The following MICALL1 variants were observed in gnomAD, a reference collection of about 807,000 sequenced individuals.
MICALL1 encodes the protein MICAL like 1.
A neutral mutation model predicts 83.7 loss-of-function variants in MICALL1; 61 were observed. The ratio of observed to expected loss-of-function variants is 0.73; its 90% confidence interval spans 0.59 to 0.90. The LOEUF is 0.90. MICALL1 is among the 40% of genes least tolerant of loss of function. The pLI is 0.00. For missense variants in MICALL1, 1,066 were observed against 1,152.0 expected (o/e 0.93, Z 1.08); for synonymous variants, 481 against 473.6 (o/e 1.02, Z -0.20).
At chr22:37,912,754 C>G (rs575267849) in intron 3 of MICALL1, among the ~76,000 whole-genome samples, 84 of 152,098 alleles carry the variant, frequency 5.5e-4, no homozygotes, top group African/African-American at 1.9e-3. Context: ...GCAACCTCCG[C>G]CTCCTGGGTT....
Position 37,906,674 on chromosome 22 carries a change from C to T in MICALL1, c.146+106C>T. 9.6e-7 allele frequency: 1 copy of T among 1,037,054 alleles called. No individual in the cohort carries two copies. Among genetic ancestry groups the T allele is most frequent in the Non-Finnish European group, 1.2e-6 (1 of 842,368 alleles). The allele number at this position is 1,037,054 out of a possible 1,614,324, so 64.2% of individuals were successfully genotyped here. Reference sequence around the variant, plus strand: ...CCCGGGCGGTGACAGGCGCCGCCCCCGGACACGGAGACGCCGACCCCCCCG... The same window carrying T: ...CCCGGGCGGTGACAGGCGCCGCCCCTGGACACGGAGACGCCGACCCCCCCG... On this transcript the variant is annotated intron_variant, in intron 1 of 15. Coordinates refer to ENST00000215957, the MANE Select transcript of MICALL1 (RefSeq NM_033386.4). The surrounding 1 kb of genome is among the most constrained non-coding windows in gnomAD (Gnocchi z 4.4).
At chr22:37,913,591 G>T (rs1316918628) in intron 3 of MICALL1, among the ~76,000 whole-genome samples, 2 of 152,202 alleles carry the variant, frequency 1.3e-5, no homozygotes, top group African/African-American at 2.4e-5. Flanking sequence ...AACCAGAGTT[G>T]CAGGGGCTAC....
chr22:37,936,212 G>C (rs906885571), intron 13 of MICALL1, among the ~76,000 whole-genome samples: 1 of 152,162 alleles, frequency 6.6e-6, no homozygotes, highest in Non-Finnish European at 1.5e-5. Flanking sequence ...GGCAGGAGGG[G>C]CAGCAGGTGT....
chr22:37,929,673 A>G (rs1228046812), intron 9 of MICALL1, among the ~76,000 whole-genome samples: 1 of 152,086 alleles, frequency 6.6e-6, no homozygotes, highest in Non-Finnish European at 1.5e-5. Context: ...TCTCAGCCCC[A>G]TACTGAGAAC....
rs781506551 is a variant in MICALL1, at chr22:37,917,815, G to T, written c.426+20G>T. 1.2e-6 allele frequency: 2 copies of T among 1,610,386 alleles called. No individual in the cohort carries two copies. The highest frequency in any genetic ancestry group is 1.7e-6 in the Non-Finnish European group (2 of 1,176,954). On this transcript the variant is annotated intron_variant, in intron 4 of 15. Coordinates refer to ENST00000215957, the MANE Select transcript of MICALL1 (RefSeq NM_033386.4). ...GCTCAGGTAGGCAGATACCTGGAGA[G>T]GTGGGAGGGCCAGGGGTGGAGGGGG...
At chr22:37,923,603 G>A (rs1929233524) in intron 6 of MICALL1, among the ~76,000 whole-genome samples, 1 of 152,228 alleles carries the variant, frequency 6.6e-6, no homozygotes, top group Non-Finnish European at 1.5e-5. Context: ...TCCATGCTGG[G>A]ACGGTGCAAA....
At chr22:37,913,621 T>A (rs1012601190) in intron 3 of MICALL1, among the ~76,000 whole-genome samples, 1 of 152,168 alleles carries the variant, frequency 6.6e-6, no homozygotes, top group Admixed American at 6.6e-5. Context: ...CGGTTCTGAG[T>A]GAGGTCACTG....
rs990254742 is a variant in MICALL1 at position 37,906,942 on chromosome 22, C to T, written c.146+374C>T. 2.0e-5 allele frequency: 3 copies of T among 153,252 alleles called. No homozygotes were observed. Among genetic ancestry groups the T allele is most frequent in the African/African-American group, 4.8e-5 (2 of 41,514 alleles). 9.5% of individuals were successfully genotyped at this position (153,252 alleles called of 1,614,324 possible). A position where few individuals can be genotyped will look rare whatever the true frequency, so the allele number is the denominator to read the frequency against. On this transcript the variant is annotated intron_variant, in intron 1 of 15. Transcript: ENST00000215957. This position sits in a 1 kb window ranked among gnomAD's most constrained non-coding sequence, Gnocchi z 4.4. ...GGCCCTGGGCCTCTCCTACCCTAAA[C>T]TCTTCTCCACGGGCTCGCCGGGCCT...
chr22:37,918,093 T>G (rs1928790286), intron 4 of MICALL1, among the ~76,000 whole-genome samples: 1 of 152,200 alleles, frequency 6.6e-6, no homozygotes, highest in African/African-American at 2.4e-5. Flanking sequence ...CAGTCCACAA[T>G]GCTGACTTCA....
intron 8 of MICALL1, chr22:37,926,592 C>G (rs970503451): frequency 1.9e-5 from 3 of 154,222 alleles, no homozygotes; most frequent in African/African-American, 7.2e-5. Flanking sequence ...TGCTTCCCCC[C>G]TCACCCAGGA....
chr22:37,912,964 C>CT (rs759798391), intron 3 of MICALL1, among the ~76,000 whole-genome samples: 300 of 135,360 alleles, frequency 2.2e-3, no homozygotes, highest in Non-Finnish European at 2.6e-3. Context: ...CCCAGTCCCA[C>CT]TTTTTTTTTT....
Position 37,922,375 on chromosome 22 carries a change from C to T in MICALL1, c.973C>T (p.Leu325=). ...CCCCACGCCCCGGCCCCGCTCCAGT[C>T]TGCAGCAGGAGAACCTGGTGGAGCA... ...APPTPRPRSS[L]QQENLVEQAG... is the part of the protein sequence containing the mutation. Residue 325 remains leucine (L), a synonymous_variant, in exon 6 of 16, where the codon CTG becomes TTG. Coordinates refer to ENST00000215957, the MANE Select transcript of MICALL1 (RefSeq NM_033386.4). 3 of 1,534,430 alleles carry T rather than the reference C, an allele frequency of 2.0e-6. No homozygotes were observed. Among genetic ancestry groups the T allele is most frequent in the Non-Finnish European group, 2.6e-6 (3 of 1,143,270 alleles).
rs1170243535 is a variant in MICALL1 at position 37,930,970 on chromosome 22, C to T, written c.1882-829C>T. 1.3e-5 allele frequency among the ~76,000 whole-genome samples: 2 copies of T among 152,230 alleles called. No individual in the cohort carries two copies. Among genetic ancestry groups the T allele is most frequent in the Non-Finnish European group, 2.9e-5 (2 of 68,032 alleles). On this transcript the variant is annotated intron_variant, in intron 9 of 15. Transcript: ENST00000215957. The surrounding 1 kb of genome is among the most constrained non-coding windows in gnomAD (Gnocchi z 4.8). ...GTCTTGCCTTAAACCCAATGCCATT[C>T]TGTGCTTCTAGGGAAACCCCTGCCC...
chr22:37,924,593 GCTGGCTCCCTGGGTGC>G lies in MICALL1; in HGVS notation c.1025-65_1025-50del, dbSNP rs892558506. 1.3e-6 allele frequency: 2 copies of G among 1,524,416 alleles called. No individual in the cohort carries two copies. The highest frequency in any genetic ancestry group is 1.4e-5 in the African/African-American group (1 of 72,850). The allele number at this position is 1,524,416 out of a possible 1,614,324, so 94.4% of individuals were successfully genotyped here. ...CGCTCCTGGGGAGGCAGGTGCTGTG[GCTGGCTCCCTGGGTGC>G]CCACCTCCTGCTGCCCATGAAGGCC... On this transcript the variant is annotated intron_variant, in intron 6 of 15. Transcript: ENST00000215957. This position sits in a 1 kb window ranked among gnomAD's most constrained non-coding sequence, Gnocchi z 5.2.
At chr22:37,934,248 G>A (rs1279423946) in intron 13 of MICALL1, among the ~76,000 whole-genome samples, 1 of 152,190 alleles carries the variant, frequency 6.6e-6, no homozygotes, top group African/African-American at 2.4e-5. Context: ...ATGAGGCTCC[G>A]AGTACAGTAC....
intron 13 of MICALL1, among the ~76,000 whole-genome samples, chr22:37,934,323 G>A (rs1258186518): frequency 6.6e-6 from 1 of 152,182 alleles, no homozygotes; most frequent in Admixed American, 6.5e-5. Context: ...CACCTTCACT[G>A]TGTGACACTG....
At chr22:37,909,691 G>C (rs1430269323) in intron 1 of MICALL1, among the ~76,000 whole-genome samples, 1 of 152,206 alleles carries the variant, frequency 6.6e-6, no homozygotes, top group Admixed American at 6.5e-5. Context: ...GAGGGATGTG[G>C]CTGGAAAAAA....
chr22:37,916,862 T>C (rs1569137705), intron 3 of MICALL1, among the ~76,000 whole-genome samples: 2 of 152,270 alleles, frequency 1.3e-5, no homozygotes, highest in Non-Finnish European at 2.9e-5. Context: ...CATAGTGTTA[T>C]TGAATTTATT....
chr22:37,912,092 G>A (rs563278900), intron 2 of MICALL1, 92 bp downstream of exon 2: 6 of 1,469,098 alleles, frequency 4.1e-6, no homozygotes, highest in East Asian at 4.5e-5. Flanking sequence ...GGTCTTGCAC[G>A]GTGGCTGCCC....
Sources: allele counts gnomAD v4.1 joint callset (sites outside exome capture counted in the v4.1 genomes callset), GRCh38; gene constraint gnomAD v4.1.1; non-coding constraint Gnocchi (gnomAD v3.1); transcripts MANE v1.5; gene names NCBI Gene and HGNC (gene_info 2026-07-23, HGNC 2026-07-21).